Variants in HAND1 observed in about 807,000 individuals in gnomAD.
The protein encoded by HAND1 is heart and neural crest derivatives expressed 1, also known as heart- and neural crest derivatives-expressed protein 1.
HAND1 carries 10 observed loss-of-function variants against 14.5 expected under a neutral mutation model. The ratio of observed to expected loss-of-function variants is 0.69; its 90% CI spans 0.42 to 1.17. The LOEUF (loss-of-function observed/expected upper bound fraction) is 1.17. Among genes scored for constraint, HAND1 ranks in the 50% most tolerant of loss-of-function variants. The pLI, the probability that HAND1 is intolerant of heterozygous loss-of-function variation, is 0.00. For synonymous variants in HAND1, 128 were observed against 127.1 expected, an observed-to-expected ratio of 1.01 and a Z score of -0.05; for missense variants, 299 against 298.4, an observed-to-expected ratio of 1.00 and a Z score of -0.01.
rs1054194165 is a variant in HAND1, at chr5:154,476,266, G to T, written c.544-356C>A. ...GGAAATCCACGGTTCTCCCGCTCTC[G>T]CTGCACCCCACACACTTCCGCCAGC... On this transcript the variant is annotated intron_variant, in intron 1 of 1. Transcript: ENST00000231121. Among the ~76,000 whole-genome samples the T allele has an allele frequency of 2.6e-5, 4 of 152,114 alleles. No homozygotes were observed. In the East Asian group the frequency reaches 7.7e-4, roughly 29 times the overall value.
intron 1 of HAND1, among the ~76,000 whole-genome samples, chr5:154,477,197 G>A (rs1026461959): frequency 6.6e-6 from 1 of 152,324 alleles, no homozygotes; most frequent in East Asian, 1.9e-4. Context: ...AGCAAAACCT[G>A]TGGTGTGTGC....
chr5:154,475,863 C>T lies in HAND1; in HGVS notation c.591G>A (p.Arg197=). 3 of 1,614,138 alleles carry T rather than the reference C, an allele frequency of 1.9e-6. No individual in the cohort carries two copies. Among genetic ancestry groups the T allele is most frequent in the Non-Finnish European group, 2.5e-6 (3 of 1,179,994 alleles). ...FPPALGPVEK[R]IKGRTGWPQQ... The stretch of plus-strand genomic sequence containing the variant: ...GCGGCCAGCCGGTGCGTCCTTTAAT[C>T]CTCTTCTCGACTGGGCCCAGGGCAG... The change falls in exon 2 of 2, where the codon AGG becomes AGA. Residue 197 remains arginine (R), a synonymous_variant. Coordinates refer to ENST00000231121, the MANE Select transcript of HAND1 (RefSeq NM_004821.3).
chr5:154,475,975 G>T (rs1170442400), intron 1 of HAND1, 65 bp from the exon 2 acceptor site: 2 of 1,225,924 alleles, frequency 1.6e-6, no homozygotes, highest in Non-Finnish European at 2.4e-6. Context: ...TGCTCCGATC[G>T]CCCGGCATGG....
chr5:154,477,725 C>A lies in HAND1; in HGVS notation c.284G>T (p.Arg95Leu). 1.2e-6 allele frequency: 2 copies of A among 1,613,556 alleles called. No individual in the cohort carries two copies. The highest frequency in any genetic ancestry group is 8.5e-7 in the Non-Finnish European group (1 of 1,179,886). Residue 95 changes from arginine (R) to leucine (L), a missense_variant, in exon 1 of 2, where the codon CGG becomes CTG. Arg to Leu is a moderately radical substitution (Grantham distance 102). Transcript: ENST00000231121. ...CTCCTTCTTGGGTCCTGAGCCTTTC[C>A]GCCGGCCAAGACGGCCGCCAAGCGC... The part of the protein sequence containing the change: ...LEALGGRLGR[R>L]KGSGPKKERR...
chr5:154,477,975 G>A lies in HAND1; in HGVS notation c.34C>T (p.His12Tyr), dbSNP rs570134327. Reference protein sequence around the residue: ...NLVGSYAHHHHHHHPHPAHPM... With the variant: ...NLVGSYAHHHYHHHPHPAHPM... ...TGCGCAGGGTGCGGGTGGTGATGGTGGTGATGGTGTGCGTAGCTGCCCACG... is the reference window on the plus strand; with the variant it reads ...TGCGCAGGGTGCGGGTGGTGATGGTAGTGATGGTGTGCGTAGCTGCCCACG... The change falls in exon 1 of 2, where the codon CAC (histidine) becomes TAC (tyrosine). Residue 12 changes from histidine (H) to tyrosine (Y), a missense_variant. His to Tyr is a moderately conservative substitution (Grantham distance 83). Transcript: ENST00000231121. 1.9e-6 allele frequency: 3 copies of A among 1,598,254 alleles called. No homozygotes were observed. The highest frequency in any genetic ancestry group is 2.2e-5 in the South Asian group (2 of 91,080).
Position 154,475,878 on chromosome 5 carries a change from G to T in HAND1, c.576C>A (p.Gly192=). 5.6e-6 allele frequency: 9 copies of T among 1,614,030 alleles called. No individual in the cohort carries two copies. The highest frequency in any genetic ancestry group is 7.6e-6 in the Non-Finnish European group (9 of 1,179,884). Reference sequence around the variant, plus strand: ...GTCCTTTAATCCTCTTCTCGACTGGGCCCAGGGCAGGAGGAAAACCTTCGT... The same window carrying T: ...GTCCTTTAATCCTCTTCTCGACTGGTCCCAGGGCAGGAGGAAAACCTTCGT... ...QQHEGFPPAL[G]PVEKRIKGRT... is the part of the protein sequence containing the mutation. The change falls in exon 2 of 2, where the codon GGC becomes GGA. Residue 192 remains glycine (G), a synonymous_variant. Coordinates refer to ENST00000231121, the MANE Select transcript of HAND1 (RefSeq NM_004821.3).
Position 154,477,694 on chromosome 5 carries a change from T to A in HAND1, c.315A>T (p.Arg105Ser). 6.2e-7 allele frequency: 1 copy of A among 1,614,188 alleles called. No individual in the cohort carries two copies. The highest frequency in any genetic ancestry group is 8.5e-7 in the Non-Finnish European group (1 of 1,180,024). Residue 105 changes from arginine (R) to serine (S), a missense_variant, in exon 1 of 2, where the codon AGA (arginine) becomes AGT (serine). Physicochemically the swap from Arg to Ser is moderately radical, Grantham distance 110. Coordinates refer to ENST00000231121, the MANE Select transcript of HAND1 (RefSeq NM_004821.3). ...RKGSGPKKER[R>S]RTESINSAFA... is the part of the protein sequence containing the mutation. ...ATGCGCTGTTAATGCTCTCAGTGCGTCTCCGCTCCTTCTTGGGTCCTGAGC... is the reference window on the plus strand; with the variant it reads ...ATGCGCTGTTAATGCTCTCAGTGCGACTCCGCTCCTTCTTGGGTCCTGAGC...
Position 154,477,898 on chromosome 5 carries a change from C to T in HAND1, c.111G>A (p.Gln37=). 1.2e-6 allele frequency: 2 copies of T among 1,600,170 alleles called. No homozygotes were observed. Among genetic ancestry groups the T allele is most frequent in the Non-Finnish European group, 1.7e-6 (2 of 1,179,834 alleles). Residue 37 remains glutamine (Q), a synonymous_variant, in exon 1 of 2, where the codon CAG becomes CAA. Coordinates refer to ENST00000231121, the MANE Select transcript of HAND1 (RefSeq NM_004821.3). ...GCCAGCTCTGGAAGTAGGGCCTTTCCTGATGACAGCGCGAGGCCGGACCGA... is the reference window on the plus strand; with the variant it reads ...GCCAGCTCTGGAAGTAGGGCCTTTCTTGATGACAGCGCGAGGCCGGACCGA... The part of the protein sequence containing the change: ...FLFGPASRCH[Q]ERPYFQSWLL...
chr5:154,477,690 T>C lies in HAND1; in HGVS notation c.319A>G (p.Thr107Ala), dbSNP rs1206454242. ...GSGPKKERRRTESINSAFAEL... is the reference protein window; with the variant it reads ...GSGPKKERRRAESINSAFAEL... ...GCGAATGCGCTGTTAATGCTCTCAGTGCGTCTCCGCTCCTTCTTGGGTCCT... is the reference window on the plus strand; with the variant it reads ...GCGAATGCGCTGTTAATGCTCTCAGCGCGTCTCCGCTCCTTCTTGGGTCCT... The change falls in exon 1 of 2, where the codon ACT (threonine) becomes GCT (alanine). Residue 107 changes from threonine (T) to alanine (A), a missense_variant. Transcript: ENST00000231121. 9 of 1,614,102 alleles carry C rather than the reference T, an allele frequency of 5.6e-6. No homozygotes were observed. The highest frequency in any genetic ancestry group is 7.6e-6 in the Non-Finnish European group (9 of 1,180,048).
rs1270361699 is a variant in HAND1 at position 154,477,564 on chromosome 5, C to A, written c.445G>T (p.Val149Leu). ...ATSYIAYLMDVLAKDAQSGDP... is the reference protein window; with the variant it reads ...ATSYIAYLMDLLAKDAQSGDP... ...CCAGACTGTGCATCCTTGGCCAGCA[C>A]GTCCATCAGGTAGGCGATGTAGCTG... The change falls in exon 1 of 2, where the codon GTG (valine) becomes TTG (leucine). Residue 149 changes from valine (V) to leucine (L), a missense_variant. Val to Leu is a conservative substitution (Grantham distance 32, BLOSUM62 1). Transcript: ENST00000231121. 3.1e-6 allele frequency: 5 copies of A among 1,614,190 alleles called. No homozygotes were observed. The highest frequency in any genetic ancestry group is 3.4e-6 in the Non-Finnish European group (4 of 1,180,020).
chr5:154,477,405 G>T, intron 1 of HAND1, 61 bp downstream of exon 1: 2 of 1,304,538 alleles, frequency 1.5e-6, no homozygotes, highest in Non-Finnish European at 2.2e-6. Context: ...CTACCTGCAT[G>T]GCCTGAGGCT....
At chr5:154,476,102 G>C (rs1436629387) in intron 1 of HAND1, among the ~76,000 whole-genome samples, 192 bp from the exon 2 acceptor site, 1 of 152,266 alleles carries the variant, frequency 6.6e-6, no homozygotes, top group East Asian at 1.9e-4. Flanking sequence ...TTTATGCGCG[G>C]AGTTCCTGGG....
At chr5:154,476,506 G>T (rs1268350635) in intron 1 of HAND1, among the ~76,000 whole-genome samples, 1 of 152,104 alleles carries the variant, frequency 6.6e-6, no homozygotes, top group African/African-American at 2.4e-5. Flanking sequence ...CTTTCGAGGC[G>T]CCGCACCTCG....
rs1757525828 is a variant in HAND1, at chr5:154,475,494, C to A, written c.*312G>T. On this transcript the variant is annotated 3_prime_UTR_variant, in exon 2 of 2. Transcript: ENST00000231121. ...TTCGCTCCAAAAGGGTGGAAGAGTG[C>A]GTCTTTGAGCCCTTGGGTTCGACAG... The A allele has an allele frequency of 4.8e-6, 2 of 420,030 alleles. No individual in the cohort carries two copies. Among genetic ancestry groups the A allele is most frequent in the Non-Finnish European group, 8.8e-6 (2 of 226,194 alleles). The allele number at this position is 420,030 out of a possible 1,614,324, so 26.0% of individuals were successfully genotyped here.
chr5:154,477,719 C>A lies in HAND1; in HGVS notation c.290G>T (p.Gly97Val), dbSNP rs1757568750. 1 of 1,613,830 alleles carries A rather than the reference C, an allele frequency of 6.2e-7. No individual in the cohort carries two copies. The highest frequency in any genetic ancestry group is 8.5e-7 in the Non-Finnish European group (1 of 1,179,964). Reference protein sequence around the residue: ...ALGGRLGRRKGSGPKKERRRT... With the variant: ...ALGGRLGRRKVSGPKKERRRT... ...TCTCCGCTCCTTCTTGGGTCCTGAG[C>A]CTTTCCGCCGGCCAAGACGGCCGCC... The change falls in exon 1 of 2, where the codon GGC (glycine) becomes GTC (valine). Residue 97 changes from glycine (G) to valine (V), a missense_variant. By Grantham distance (109) the Gly-to-Val change is moderately radical. Transcript: ENST00000231121.
At position 154,477,785 on chromosome 5, in the gene HAND1, T is replaced by G; in HGVS notation, c.224A>C (p.Asp75Ala). 1 of 1,597,272 alleles carries G rather than the reference T, an allele frequency of 6.3e-7. No individual in the cohort carries two copies. Among genetic ancestry groups the G allele is most frequent in the Non-Finnish European group, 8.5e-7 (1 of 1,175,510 alleles). Reference sequence around the variant, plus strand: ...CCCGGGGCTCTGCCCAGGCCTGGCGTCAGGACCATAGGCGGTGGCGGCTGC... The same window carrying G: ...CCCGGGGCTCTGCCCAGGCCTGGCGGCAGGACCATAGGCGGTGGCGGCTGC... ...AAAAATAYGP[D>A]ARPGQSPGRL... The change falls in exon 1 of 2, where the codon GAC becomes GCC. Residue 75 changes from aspartate (D) to alanine (A), a missense_variant. Physicochemically the swap from Asp to Ala is moderately radical, Grantham distance 126. Transcript: ENST00000231121.
intron 1 of HAND1, 72 bp downstream of exon 1, chr5:154,477,394 A>C: frequency 8.3e-7 from 1 of 1,204,274 alleles, no homozygotes. Flanking sequence ...GCCTCCTTCG[A>C]CTACCTGCAT....
At position 154,475,446 on chromosome 5, in the gene HAND1, G is replaced by A; in HGVS notation, c.*360C>T. 1 of 281,624 alleles carries A rather than the reference G, an allele frequency of 3.6e-6. No homozygotes were observed. Among genetic ancestry groups the A allele is most frequent in the East Asian group, 8.9e-5 (1 of 11,296 alleles). 17.4% of individuals were successfully genotyped at this position (281,624 alleles called of 1,614,324 possible). The stretch of plus-strand genomic sequence containing the variant: ...GAGAGAAAGAGCCAGATAGGGAAAT[G>A]GAGATAGGGCTGAGGTTCTAAATTC... On this transcript the variant is annotated 3_prime_UTR_variant, in exon 2 of 2. Transcript: ENST00000231121.
In HAND1 at chr5:154,475,269, AAAAAT is replaced by A. The variant is rs1450109719; in HGVS notation, c.*532_*536del. On this transcript the variant is annotated 3_prime_UTR_variant, in exon 2 of 2. Transcript: ENST00000231121. ...AAACAGGAAGTGCAGCGACAAAAAGAAAAATAAAATAAAACCACCACGATTCGAAG... is the reference window on the plus strand; with the variant it reads ...AAACAGGAAGTGCAGCGACAAAAAGAAAAATAAAACCACCACGATTCGAAG... The A allele has an allele frequency of 6.5e-6, 1 of 154,284 alleles. No individual in the cohort carries two copies. The highest frequency in any genetic ancestry group is 2.4e-5 in the African/African-American group (1 of 41,462). The allele number at this position is 154,284 out of a possible 1,614,324, so 9.6% of individuals were successfully genotyped here.
Sources: gnomAD v4.1 joint callset for allele counts (sites outside exome capture counted in the v4.1 genomes callset) on GRCh38, gnomAD v4.1.1 for gene constraint, MANE v1.5 for transcripts, NCBI Gene and HGNC (gene_info 2026-07-23, HGNC 2026-07-21) for gene names.